SLC43A2: variants seen among roughly 807,000 people sequenced by gnomAD.
SLC43A2 encodes large neutral amino acids transporter small subunit 4.
SLC43A2 carries 38 observed loss-of-function variants against 63.2 expected under a neutral mutation model. The observed-to-expected ratio is 0.60, with a 90% confidence interval of 0.46 to 0.79. The LOEUF (loss-of-function observed/expected upper bound fraction) is 0.79, where lower values mean the gene tolerates loss of function less well. SLC43A2 is among the 30% of genes least tolerant of loss of function. SLC43A2 has a pLI of 0.00. For synonymous variants in SLC43A2, 322 were observed against 331.0 expected (o/e 0.97, Z 0.30); for missense variants, 644 against 756.2 (o/e 0.85, Z 1.74).
At position 1,593,035 on chromosome 17, in the gene SLC43A2, C is replaced by T. The variant is rs183021254; in HGVS notation, c.594+152G>A. On this transcript the variant is annotated intron_variant, in intron 6 of 13. Coordinates refer to ENST00000301335, the MANE Select transcript of SLC43A2 (RefSeq NM_152346.3). This position sits in a 1 kb window ranked among gnomAD's most constrained non-coding sequence, Gnocchi z 5.3. ...CTGAGGCCCCGCGGTTTTCATTTGT[C>T]GCCCCTGTGATGCCCAGGTGCATCC... is the stretch of plus-strand genomic sequence containing the variant. 1.2e-4 allele frequency: 83 copies of T among 667,378 alleles called. No homozygotes were observed. In the African/African-American group the frequency reaches 1.3e-3, roughly 10 times the overall value. The allele number at this position is 667,378 out of a possible 1,614,324, so 41.3% of individuals were successfully genotyped here. A position where few individuals can be genotyped will look rare whatever the true frequency, so the allele number is the denominator to read the frequency against.
intron 5 of SLC43A2, among the ~76,000 whole-genome samples, chr17:1,594,878 G>A (rs12939321): frequency 0.2 from 30,030 of 151,414 alleles, 3,413 homozygotes; most frequent in Non-Finnish European, 0.25. Context: ...GTGAGCCACC[G>A]CGCCCAACCT....
At chr17:1,613,041 C>T (rs1907272274) in intron 5 of SLC43A2, among the ~76,000 whole-genome samples, 154 bp downstream of exon 5, 1 of 152,004 alleles carries the variant, frequency 6.6e-6, no homozygotes, top group African/African-American at 2.4e-5. Flanking sequence ...CTGAGGAGGC[C>T]CTGCCAGGCC....
In SLC43A2 at chr17:1,578,245, CTTA is replaced by C; in HGVS notation, c.1424+2_1424+4del. 6.2e-7 allele frequency: 1 copy of C among 1,612,486 alleles called. No homozygotes were observed. ...ACCAGGCCACCTGCGGCTTCCAGGA[CTTA>C]CACGGCAGCGTACAGGCCCCCGACA... On this transcript the variant is annotated splice_donor_variant and splice_donor_region_variant and intron_variant, in intron 12 of 13. Transcript: ENST00000301335. LOFTEE classifies it high-confidence loss of function. The surrounding 1 kb of genome is among the most constrained non-coding windows in gnomAD (Gnocchi z 6.5).
rs1166550500 is a variant in SLC43A2, at chr17:1,574,618, G to A, written c.*986C>T. 6.6e-6 allele frequency: 1 copy of A among 152,280 alleles called. No individual in the cohort carries two copies. 9.4% of individuals were successfully genotyped at this position (152,280 alleles called of 1,614,324 possible). A position where few individuals can be genotyped will look rare whatever the true frequency, so the allele number is the denominator to read the frequency against. On this transcript the variant is annotated 3_prime_UTR_variant, in exon 14 of 14. Transcript: ENST00000301335. ...CAGGGCCCCACGGAGCCCGCCGGCA[G>A]GGGGTGCTGTGGGCCTGTGGCCTTG...
intron 5 of SLC43A2, 28 bp downstream of exon 5, chr17:1,613,164 AACT>A: frequency 1.3e-6 from 2 of 1,574,462 alleles, no homozygotes; most frequent in Non-Finnish European, 1.7e-6. Flanking sequence ...CAGATTACTG[AACT>A]ACAGAGCTTT....
At position 1,578,433 on chromosome 17, in the gene SLC43A2, G is replaced by A. The variant is rs1428524172; in HGVS notation, c.1351-110C>T. Reference sequence around the variant, plus strand: ...ACCCCAGGGGCAGTGTCAGCCTGGAGTTGGATCAACCCCATCCTCCGGAGC... The same window carrying A: ...ACCCCAGGGGCAGTGTCAGCCTGGAATTGGATCAACCCCATCCTCCGGAGC... On this transcript the variant is annotated intron_variant, in intron 11 of 13. Transcript: ENST00000301335. The surrounding 1 kb of genome is among the most constrained non-coding windows in gnomAD (Gnocchi z 6.5). 15 of 1,051,506 alleles carry A rather than the reference G, an allele frequency of 1.4e-5. No homozygotes were observed. Among genetic ancestry groups the A allele is most frequent in the Non-Finnish European group, 1.4e-6 (1 of 723,382 alleles). 65.1% of individuals were successfully genotyped at this position (1,051,506 alleles called of 1,614,324 possible).
intron 2 of SLC43A2, among the ~76,000 whole-genome samples, chr17:1,626,454 T>G (rs1908676057): frequency 6.6e-6 from 1 of 152,138 alleles, no homozygotes; most frequent in East Asian, 1.9e-4. Context: ...GAAATATTTT[T>G]GAGTGGCTAA....
intron 5 of SLC43A2, among the ~76,000 whole-genome samples, chr17:1,601,313 T>TC (rs939751458): frequency 6.6e-6 from 1 of 151,928 alleles, no homozygotes; most frequent in African/African-American, 2.4e-5. Context: ...AGAATCTCAT[T>TC]CCCATATGCC....
chr17:1,582,040 C>T (rs529064030), intron 11 of SLC43A2, among the ~76,000 whole-genome samples: 7 of 151,158 alleles, frequency 4.6e-5, no homozygotes, highest in South Asian at 2.1e-4. Flanking sequence ...CTCCTGACCT[C>T]GTGATCCACC....
chr17:1,599,707 A>G (rs1269630780), intron 5 of SLC43A2, among the ~76,000 whole-genome samples: 2 of 151,612 alleles, frequency 1.3e-5, no homozygotes, highest in Non-Finnish European at 2.9e-5. Flanking sequence ...TCTCAAAAAA[A>G]CAAAAAACTT....
At chr17:1,603,476 AC>A (rs1453215704) in intron 5 of SLC43A2, among the ~76,000 whole-genome samples, 2 of 151,338 alleles carry the variant, frequency 1.3e-5, no homozygotes, top group Non-Finnish European at 1.5e-5. Context: ...CTATTTAAAA[AC>A]TTTTATTGGT....
At chr17:1,622,153 C>T (rs929347629) in intron 2 of SLC43A2, among the ~76,000 whole-genome samples, 1 of 152,156 alleles carries the variant, frequency 6.6e-6, no homozygotes, top group African/African-American at 2.4e-5. Context: ...CTGAGGCTGC[C>T]GGCCCCAGCC....
Position 1,605,107 on chromosome 17 carries a change from C to CA in SLC43A2, c.501+8087_501+8088insT, listed in dbSNP as rs990054593. 43 of 1,337,862 alleles carry CA rather than the reference C, an allele frequency of 3.2e-5. No homozygotes were observed. The highest frequency in any genetic ancestry group is 2.9e-4 in the Middle Eastern group (1 of 3,482). 82.9% of individuals were successfully genotyped at this position (1,337,862 alleles called of 1,614,324 possible). On this transcript the variant is annotated intron_variant, in intron 5 of 13. Coordinates refer to ENST00000301335, the MANE Select transcript of SLC43A2 (RefSeq NM_152346.3). The surrounding 1 kb of genome is among the most constrained non-coding windows in gnomAD (Gnocchi z 4.9). ...AGGTGGGAGTGCAAGCCCCTCTTCC[C>CA]GCCCTCAGGTGCTTCCCACAGCCCC...
At chr17:1,607,447 A>G (rs1272677124) in intron 5 of SLC43A2, among the ~76,000 whole-genome samples, 6 of 152,036 alleles carry the variant, frequency 3.9e-5, no homozygotes, top group Admixed American at 1.3e-4. Flanking sequence ...CACTGACCTC[A>G]TTTCCCTTTT....
In SLC43A2 at chr17:1,605,060, CCTGACT is replaced by C; in HGVS notation, c.501+8129_501+8134del. ...GCCAAGCAGGAAGCCGGAGCTGTTT[CCTGACT>C]CACCACCACACTCACAGGTGGGAGT... On this transcript the variant is annotated intron_variant, in intron 5 of 13. Transcript: ENST00000301335. This position sits in a 1 kb window ranked among gnomAD's most constrained non-coding sequence, Gnocchi z 4.9. The C allele has an allele frequency of 1.1e-6, 1 of 902,246 alleles. No individual in the cohort carries two copies. The highest frequency in any genetic ancestry group is 2.1e-5 in the South Asian group (1 of 46,650). 55.9% of individuals were successfully genotyped at this position (902,246 alleles called of 1,614,324 possible).
intron 2 of SLC43A2, among the ~76,000 whole-genome samples, chr17:1,625,607 G>A (rs1461232773): frequency 6.6e-6 from 1 of 152,148 alleles, no homozygotes. Context: ...GGGGATTTCT[G>A]GCCTGAAAGA....
At chr17:1,617,514 C>T (rs551504394) in intron 2 of SLC43A2, among the ~76,000 whole-genome samples, 1 of 152,276 alleles carries the variant, frequency 6.6e-6, no homozygotes, top group South Asian at 2.1e-4. Context: ...CCTCAGCCTC[C>T]CGAGTAGCTG....
At chr17:1,592,375 C>T (rs1199001095) in intron 6 of SLC43A2, among the ~76,000 whole-genome samples, 2 of 152,166 alleles carry the variant, frequency 1.3e-5, no homozygotes, top group African/African-American at 4.8e-5. Flanking sequence ...TGCAGTGAGC[C>T]GAGATCGTGC....
At chr17:1,603,857 T>C (rs957899017) in intron 5 of SLC43A2, among the ~76,000 whole-genome samples, 10 of 152,300 alleles carry the variant, frequency 6.6e-5, no homozygotes, top group African/African-American at 2.2e-4. Flanking sequence ...CCCAAGCTAG[T>C]AATGGTCAGA....
Sources: allele counts gnomAD v4.1 joint callset (sites outside exome capture counted in the v4.1 genomes callset), GRCh38; gene constraint gnomAD v4.1.1; non-coding constraint Gnocchi (gnomAD v3.1); transcripts MANE v1.5; gene names NCBI Gene and HGNC (gene_info 2026-07-23, HGNC 2026-07-21).